Variants in NPIPA5 observed in about 807,000 individuals in gnomAD.
NPIPA5 encodes nuclear pore complex interacting protein family member A5.
A neutral mutation model predicts 21.4 loss-of-function variants in NPIPA5; 6 were observed. The observed-to-expected ratio is 0.28, with a 90% CI of 0.15 to 0.55. The LOEUF (loss-of-function observed/expected upper bound fraction) is 0.55, where lower values mean the gene tolerates loss of function less well. Among genes scored for constraint, NPIPA5 ranks in the 20% least tolerant of loss-of-function variants. The pLI is 0.93. For missense variants in NPIPA5, 99 were observed against 318.2 expected (o/e 0.31, Z 5.24); for synonymous variants, 33 against 115.3 (o/e 0.29, Z 4.57).
intron 1 of NPIPA5, among the ~76,000 whole-genome samples, chr16:15,374,173 T>C (rs1428776813): frequency 6.7e-6 from 1 of 150,074 alleles, no homozygotes; most frequent in Non-Finnish European, 1.5e-5. Context: ...ACACTAACAA[T>C]AGCTGATGAT....
intron 4 of NPIPA5, among the ~76,000 whole-genome samples, chr16:15,369,330 C>T (rs541110276): frequency 6.7e-6 from 1 of 149,434 alleles, no homozygotes; most frequent in East Asian, 2.0e-4. Flanking sequence ...GTGGTGGGCA[C>T]CTGTAATCCC....
chr16:15,372,745 A>T (rs1422877728), intron 2 of NPIPA5, among the ~76,000 whole-genome samples: 1 of 145,444 alleles, frequency 6.9e-6, no homozygotes, highest in Non-Finnish European at 1.5e-5. Context: ...ATTGTTCAGA[A>T]GGAGGTTCAG....
intron 4 of NPIPA5, 90 bp from the exon 5 acceptor site, chr16:15,366,850 A>T: frequency 3.3e-6 from 5 of 1,523,920 alleles, no homozygotes; most frequent in South Asian, 1.2e-5. Context: ...TGATTCAAAG[A>T]TCCCCCCTGC....
At position 15,363,648 on chromosome 16, in the gene NPIPA5, T is replaced by C; in HGVS notation, c.*11A>G. Reference sequence around the variant, plus strand: ...ATTCATTTTATTTTTATATTATTTATTTATTCTTCATTAGTTTCTTGAGAT... The same window carrying C: ...ATTCATTTTATTTTTATATTATTTACTTATTCTTCATTAGTTTCTTGAGAT... On this transcript the variant is annotated 3_prime_UTR_variant, in exon 8 of 8. Transcript: ENST00000360151. 1 of 1,527,590 alleles carries C rather than the reference T, an allele frequency of 6.5e-7. No homozygotes were observed. Among genetic ancestry groups the C allele is most frequent in the Non-Finnish European group, 8.8e-7 (1 of 1,141,300 alleles). The allele number at this position is 1,527,590 out of a possible 1,614,324, so 94.6% of individuals were successfully genotyped here.
chr16:15,374,199 T>C (rs2050228496), intron 1 of NPIPA5, among the ~76,000 whole-genome samples: 1 of 151,150 alleles, frequency 6.6e-6, no homozygotes, highest in Non-Finnish European at 1.5e-5. Context: ...AAAAAAATTT[T>C]TTTTTTTTTT....
chr16:15,367,459 C>T (rs962465983), intron 4 of NPIPA5, among the ~76,000 whole-genome samples: 28 of 152,116 alleles, frequency 1.8e-4, no homozygotes, highest in African/African-American at 6.5e-4. Flanking sequence ...AAACCATCCA[C>T]CCTGGTGTTG....
chr16:15,367,195 G>C (rs1251450737), intron 4 of NPIPA5, among the ~76,000 whole-genome samples: 1 of 152,108 alleles, frequency 6.6e-6, no homozygotes, highest in South Asian at 2.1e-4. Context: ...CTCCTCCTGT[G>C]TGAGACTGAT....
intron 2 of NPIPA5, among the ~76,000 whole-genome samples, chr16:15,371,474 G>A (rs1455431894): frequency 6.7e-6 from 1 of 148,642 alleles, no homozygotes; most frequent in African/African-American, 2.5e-5. Flanking sequence ...TGAGATGTGG[G>A]TCAGATACCT....
intron 1 of NPIPA5, among the ~76,000 whole-genome samples, chr16:15,376,300 G>A (rs1184593045): frequency 1.7e-4 from 25 of 147,256 alleles, no homozygotes; most frequent in African/African-American, 4.7e-4. Flanking sequence ...AGGCCGAGGC[G>A]GGCGGATCAC....
chr16:15,363,831 G>C lies in NPIPA5; in HGVS notation c.881C>G (p.Pro294Arg), dbSNP rs1314786949. Reference sequence around the variant, plus strand: ...ATCCGCTGAGGGTAGAGCTGAGGGTGGAAGGGGAGTGAGCAGACACTCGGG... The same window carrying C: ...ATCCGCTGAGGGTAGAGCTGAGGGTCGAAGGGGAGTGAGCAGACACTCGGG... Reference protein sequence around the residue: ...TPPECLLTPLPPSALPSADDN... With the variant: ...TPPECLLTPLRPSALPSADDN... Residue 294 changes from proline (P) to arginine (R), a missense_variant, in exon 8 of 8, where the codon CCA becomes CGA. This residue lies in a region of NPIPA5 where 75 missense variants were observed against 138.5 expected (regional missense o/e 0.54). Transcript: ENST00000360151. 1 of 1,567,832 alleles carries C rather than the reference G, an allele frequency of 6.4e-7. No homozygotes were observed. Among genetic ancestry groups the C allele is most frequent in the Admixed American group, 1.8e-5 (1 of 55,560 alleles).
At chr16:15,366,837 C>A in intron 4 of NPIPA5, 77 bp from the exon 5 acceptor site, 1 of 1,520,444 alleles carries the variant, frequency 6.6e-7, no homozygotes, top group Non-Finnish European at 8.7e-7. Flanking sequence ...CATCTGAAGG[C>A]TGTGATTCAA....
intron 2 of NPIPA5, among the ~76,000 whole-genome samples, chr16:15,371,436 A>T (rs370720968): frequency 1.3e-5 from 2 of 148,824 alleles, no homozygotes. Context: ...TGTTCTCATC[A>T]TAGCTAAAAT....
rs1449269006 is a variant in NPIPA5, at chr16:15,363,987, C to T, written c.725G>A (p.Arg242Lys). Residue 242 changes from arginine to lysine, a missense_variant, in exon 8 of 8, where the codon AGG becomes AAG. This residue lies in a region of NPIPA5 where 7 missense variants were observed against 74.4 expected (regional missense o/e 0.09). Transcript: ENST00000360151. ...PYLTAETLKN[R>K]MGHQPPPPTQ... Reference sequence around the variant, plus strand: ...TGGAGGAGGTGGCTGGTGGCCCATCCTGTTTTTTAAAGTTTCAGCTGTGAG... The same window carrying T: ...TGGAGGAGGTGGCTGGTGGCCCATCTTGTTTTTTAAAGTTTCAGCTGTGAG... 6.3e-7 allele frequency: 1 copy of T among 1,587,464 alleles called. No homozygotes were observed. Among genetic ancestry groups the T allele is most frequent in the East Asian group, 2.3e-5 (1 of 42,922 alleles).
chr16:15,376,194 G>A (rs1479882191), intron 1 of NPIPA5, among the ~76,000 whole-genome samples: 1 of 149,670 alleles, frequency 6.7e-6, no homozygotes, highest in Non-Finnish European at 1.5e-5. Flanking sequence ...GAAAGAGACT[G>A]GCTGGGAAGA....
intron 2 of NPIPA5, among the ~76,000 whole-genome samples, chr16:15,372,541 G>T (rs1458926256): frequency 6.9e-6 from 1 of 145,158 alleles, no homozygotes; most frequent in Non-Finnish European, 1.5e-5. Context: ...AAAATTCTCT[G>T]TTCAGGACTA....
At chr16:15,370,859 C>A (rs948619443) in intron 2 of NPIPA5, among the ~76,000 whole-genome samples, 2 of 147,164 alleles carry the variant, frequency 1.4e-5, no homozygotes, top group South Asian at 2.2e-4. Context: ...CCATCCTGGG[C>A]AACATGGTGA....
intron 4 of NPIPA5, 84 bp from the exon 5 acceptor site, chr16:15,366,844 T>A: frequency 6.6e-7 from 1 of 1,522,240 alleles, no homozygotes; most frequent in Non-Finnish European, 8.7e-7. Flanking sequence ...AGGCTGTGAT[T>A]CAAAGATCCC....
intron 2 of NPIPA5, among the ~76,000 whole-genome samples, chr16:15,372,597 A>G (rs2050186121): frequency 6.8e-6 from 1 of 146,134 alleles, no homozygotes; most frequent in African/African-American, 2.5e-5. Flanking sequence ...TTCATAACTC[A>G]TATATTTTCT....
chr16:15,376,200 G>A lies in NPIPA5; in HGVS notation c.63+2032C>T, dbSNP rs868265249. On this transcript the variant is annotated intron_variant, in intron 1 of 7. Transcript: ENST00000360151. Reference sequence around the variant, plus strand: ...CTATGATAAGAAAGAGACTGGCTGGGAAGAGTGAGAGTTCACTTTCTGGGG... The same window carrying A: ...CTATGATAAGAAAGAGACTGGCTGGAAAGAGTGAGAGTTCACTTTCTGGGG... 1.7e-4 allele frequency among the ~76,000 whole-genome samples: 25 copies of A among 149,270 alleles called. 1 individual carries two copies. The highest frequency in any genetic ancestry group is 8.6e-4 in the South Asian group (4 of 4,656).
Sources: gnomAD v4.1 joint callset for allele counts (sites outside exome capture counted in the v4.1 genomes callset) on GRCh38, gnomAD v4.1.1 for gene constraint, gnomAD v4.1.1 regional missense constraint, MANE v1.5 for transcripts, NCBI Gene and HGNC (gene_info 2026-07-23, HGNC 2026-07-21) for gene names.